Variants in PROM1 observed in about 807,000 individuals in gnomAD.
PROM1 encodes the protein prominin-1.
A neutral mutation model predicts 116.9 loss-of-function variants in PROM1; 105 were observed. The observed-to-expected ratio is 0.90, with a 90% CI of 0.77 to 1.06. The LOEUF is 1.06. PROM1 is among the 50% of genes least tolerant of loss of function. The pLI is 0.00. For synonymous variants in PROM1, 393 were observed against 387.0 expected (o/e 1.02, Z -0.18); for missense variants, 1,122 against 1,045.2 (o/e 1.07, Z -1.01).
rs139032760 is a variant in PROM1, at chr4:15,972,910, A to C, written c.2583-1828T>G. Among the ~76,000 whole-genome samples, 17 of 152,320 alleles carry C rather than the reference A, an allele frequency of 1.1e-4. No homozygotes were observed. In the East Asian group the frequency reaches 2.5e-3, roughly 22 times the overall value. The stretch of plus-strand genomic sequence containing the variant: ...ACAGGGCTCTGAGCAGCCGGACAAC[A>C]GAGAGAAGTTGGCCCAGGAGGTGGA... On this transcript the variant is annotated intron_variant, in intron 26 of 27. Transcript: ENST00000447510.
chr4:16,007,206 TC>T (rs1409217541), intron 12 of PROM1, among the ~76,000 whole-genome samples: 3 of 152,254 alleles, frequency 2.0e-5, no homozygotes, highest in African/African-American at 7.2e-5. Flanking sequence ...GCCACTGTGT[TC>T]TTTACTGAAC....
chr4:16,079,959 C>T (rs1369086297), intron 1 of PROM1: 2 of 119,502 alleles, frequency 1.7e-5, no homozygotes, highest in Non-Finnish European at 3.2e-5. Context: ...ACAGTTGGTA[C>T]TCAATGAAGA....
At chr4:16,015,987 C>A (rs1489429968) in intron 10 of PROM1, among the ~76,000 whole-genome samples, 179 bp downstream of exon 10, 1 of 152,116 alleles carries the variant, frequency 6.6e-6, no homozygotes, top group East Asian at 1.9e-4. Flanking sequence ...AGATGCTTAA[C>A]AAAAATTCTG....
chr4:15,976,557 G>A (rs969312066), intron 26 of PROM1, among the ~76,000 whole-genome samples: 3 of 152,200 alleles, frequency 2.0e-5, no homozygotes, highest in South Asian at 2.1e-4. Flanking sequence ...GACAGCTGAC[G>A]CCTGCCTATT....
chr4:16,035,838 T>C, intron 3 of PROM1, 77 bp from the exon 4 acceptor site: 1 of 1,338,514 alleles, frequency 7.5e-7, no homozygotes, highest in Middle Eastern at 1.8e-4. Context: ...AAGTTATGAG[T>C]GATCAACCAT....
intron 11 of PROM1, among the ~76,000 whole-genome samples, chr4:16,012,277 G>A (rs531782760): frequency 3.9e-5 from 6 of 152,280 alleles, no homozygotes; most frequent in South Asian, 2.1e-4. Context: ...GATTGCAGGC[G>A]TGAGCCACTG....
chr4:15,998,388 T>G lies in PROM1; in HGVS notation c.1679A>C (p.Tyr560Ser). 1 of 1,596,008 alleles carries G rather than the reference T, an allele frequency of 6.3e-7. No individual in the cohort carries two copies. Among genetic ancestry groups the G allele is most frequent in the Non-Finnish European group, 8.5e-7 (1 of 1,174,104 alleles). ...TGTATAATGCAAATATTGATACCTG[T>G]AAACTTGTTCAAAAGTGAGCTTCAT... ...SKMKLTFEQV[Y>S]SDCKKNRGTY... The change falls in exon 15 of 28, where the codon TAC becomes TCC. Residue 560 changes from tyrosine to serine, a missense_variant. Tyr to Ser is a moderately radical substitution (Grantham distance 144). Coordinates refer to ENST00000447510, the MANE Select transcript of PROM1 (RefSeq NM_006017.3).
chr4:15,979,398 G>T lies in PROM1; in HGVS notation c.2579C>A (p.Thr860Lys). 3 of 1,613,670 alleles carry T rather than the reference G, an allele frequency of 1.9e-6. No individual in the cohort carries two copies. Among genetic ancestry groups the T allele is most frequent in the Non-Finnish European group, 2.5e-6 (3 of 1,179,762 alleles). ...GCACTTCCAGACTTTGCTTTACCTT[G>T]TCATAACAGGATTGTGAATACCATA... ...HVYGIHNPVM[T>K]SPSQH is the part of the protein sequence containing the mutation. The change falls in exon 26 of 28, where the codon ACA becomes AAA. Residue 860 changes from threonine to lysine, a missense_variant. Coordinates refer to ENST00000447510, the MANE Select transcript of PROM1 (RefSeq NM_006017.3).
intron 18 of PROM1, among the ~76,000 whole-genome samples, chr4:15,990,222 C>T (rs1360550388): frequency 6.6e-6 from 1 of 152,190 alleles, no homozygotes; most frequent in African/African-American, 2.4e-5. Context: ...ACCATTACCC[C>T]ATTTTACAGA....
At chr4:16,009,811 A>G (rs562339621) in intron 11 of PROM1, among the ~76,000 whole-genome samples, 1 of 151,974 alleles carries the variant, frequency 6.6e-6, no homozygotes, top group Admixed American at 6.6e-5. Context: ...GTGGTGGCGC[A>G]TGCCTGTAAC....
rs139574888 is a variant in PROM1 at position 15,987,567 on chromosome 4, TC to T, written c.2130+95del. On this transcript the variant is annotated intron_variant, in intron 20 of 27. Transcript: ENST00000447510. ...AGGTAGATAACTGAGGCTTTTTTTTTCAACTTAAAGTACCTACAAAAATCCA... is the reference window on the plus strand; with the variant it reads ...AGGTAGATAACTGAGGCTTTTTTTTTAACTTAAAGTACCTACAAAAATCCA... 0.34 allele frequency: 367,310 copies of T among 1,079,238 alleles called. 53,732 individuals carry two copies. The highest frequency in any genetic ancestry group is 0.37 in the South Asian group (23,396 of 63,110). 66.9% of individuals were successfully genotyped at this position (1,079,238 alleles called of 1,614,324 possible). A position where few individuals can be genotyped will look rare whatever the true frequency, so the allele number is the denominator to read the frequency against.
intron 1 of PROM1, among the ~76,000 whole-genome samples, chr4:16,081,852 A>G (rs1041225387): frequency 5.3e-5 from 8 of 152,298 alleles, no homozygotes; most frequent in African/African-American, 1.9e-4. Context: ...GAAATCAGAA[A>G]GAAGTTTAGA....
intron 2 of PROM1, among the ~76,000 whole-genome samples, chr4:16,071,447 C>T (rs1319415171): frequency 6.6e-6 from 1 of 152,074 alleles, no homozygotes. Context: ...TATCTGTGTC[C>T]CCTGACATTT....
intron 2 of PROM1, among the ~76,000 whole-genome samples, chr4:16,070,680 A>T (rs1457401044): frequency 3.9e-5 from 6 of 152,234 alleles, no homozygotes. Flanking sequence ...AGCCTGTCAG[A>T]TGTAGATATT....
intron 2 of PROM1, among the ~76,000 whole-genome samples, chr4:16,073,652 GT>G (rs71649938): frequency 0.42 from 64,534 of 152,030 alleles, 15,193 homozygotes; most frequent in Non-Finnish European, 0.52. Context: ...ACTGTTGAAA[GT>G]TGAGAATTTC....
chr4:16,023,549 T>A, intron 7 of PROM1, 134 bp from the exon 8 acceptor site: 1 of 646,002 alleles, frequency 1.5e-6, no homozygotes, highest in African/African-American at 1.8e-5. Flanking sequence ...GTCTAGGGGT[T>A]AAACTCGTGT....
In PROM1 at chr4:15,992,272, C is replaced by T; in HGVS notation, c.1887G>A (p.Met629Ile). The T allele has an allele frequency of 6.2e-7, 1 of 1,613,916 alleles. No individual in the cohort carries two copies. The highest frequency in any genetic ancestry group is 8.5e-7 in the Non-Finnish European group (1 of 1,179,848). Reference protein sequence around the residue: ...QDFAACGIDRMNYDSYLAQTG... With the variant: ...QDFAACGIDRINYDSYLAQTG... ...CCTGAGCCAAGTAGCTGTCATAATT[C>T]ATTCTGTCTATTCCACAAGCAGCAA... The change falls in exon 17 of 28, where the codon ATG becomes ATA. Residue 629 changes from methionine to isoleucine, a missense_variant. By Grantham distance (10) the Met-to-Ile change is conservative. Transcript: ENST00000447510.
chr4:16,033,713 C>T (rs1328847997), intron 4 of PROM1, among the ~76,000 whole-genome samples: 2 of 151,384 alleles, frequency 1.3e-5, no homozygotes, highest in African/African-American at 4.8e-5. Context: ...CCTCAGCCTC[C>T]CGAGTACTGT....
chr4:16,027,325 A>C (rs957286530), intron 5 of PROM1, among the ~76,000 whole-genome samples: 2 of 105,908 alleles, frequency 1.9e-5, no homozygotes, highest in South Asian at 3.1e-4. Flanking sequence ...CACACACACA[A>C]AAGTTGAGTC....
Sources: gnomAD v4.1 joint callset for allele counts (sites outside exome capture counted in the v4.1 genomes callset) on GRCh38, gnomAD v4.1.1 for gene constraint, MANE v1.5 for transcripts, NCBI Gene and HGNC (gene_info 2026-07-23, HGNC 2026-07-21) for gene names.